The following KIF6 variants were observed in gnomAD, a reference collection of about 807,000 sequenced individuals.
KIF6 encodes kinesin-like protein KIF6.
Under a neutral mutation model 112.7 loss-of-function variants are expected in KIF6, and 106 were observed. That is an observed-to-expected ratio of 0.94 (90% CI 0.80 to 1.11). The LOEUF is 1.11. Ranked by LOEUF, KIF6 falls within the 50% of genes least tolerant of loss-of-function variation. The pLI, the probability that KIF6 is intolerant of heterozygous loss-of-function variation, is 0.00. For synonymous variants in KIF6, 339 were observed against 339.9 expected (o/e 1.00, Z 0.03); for missense variants, 929 against 964.0 (o/e 0.96, Z 0.48).
At chr6:39,710,099 T>C (rs916285335) in intron 3 of KIF6, among the ~76,000 whole-genome samples, 2 of 152,116 alleles carry the variant, frequency 1.3e-5, no homozygotes, top group South Asian at 2.1e-4. Flanking sequence ...TTAACAACAC[T>C]CTCCTACAGA....
rs751271999 is a variant in KIF6, at chr6:39,431,153, C to T, written c.1654G>A (p.Glu552Lys). The part of the protein sequence containing the change: ...SLLHKKIGMR[E>K]EMSLGCQEAF... ...TCCTGGCATCCTAATGACATTTCCTCTCTCATTCCTGTTTGGAGACACAGG... is the reference window on the plus strand; with the variant it reads ...TCCTGGCATCCTAATGACATTTCCTTTCTCATTCCTGTTTGGAGACACAGG... The change falls in exon 14 of 23, where the codon GAG (glutamate) becomes AAG (lysine). Residue 552 changes from glutamate (E) to lysine (K), a missense_variant. Glu to Lys is a moderately conservative substitution (Grantham distance 56, BLOSUM62 1). Around this residue, in one of 2 missense-constraint regions of KIF6, gnomAD observed 688 missense variants for 662.7 expected, o/e 1.04. Transcript: ENST00000287152. 2.1e-5 allele frequency: 34 copies of T among 1,596,286 alleles called. No homozygotes were observed. Among genetic ancestry groups the T allele is most frequent in the Non-Finnish European group, 2.6e-5 (30 of 1,164,042 alleles).
chr6:39,461,496 T>A (rs1026403145), intron 13 of KIF6, among the ~76,000 whole-genome samples: 1 of 152,154 alleles, frequency 6.6e-6, no homozygotes, highest in Non-Finnish European at 1.5e-5. Flanking sequence ...ATTAATAGCT[T>A]TAGTTTTAAT....
intron 12 of KIF6, among the ~76,000 whole-genome samples, chr6:39,542,497 T>G (rs1428238099): frequency 6.6e-6 from 1 of 152,212 alleles, no homozygotes; most frequent in Non-Finnish European, 1.5e-5. Context: ...TATAATCACT[T>G]TTTTTATTTC....
intron 10 of KIF6, among the ~76,000 whole-genome samples, chr6:39,560,565 C>T (rs974992296): frequency 3.9e-5 from 6 of 152,176 alleles, no homozygotes; most frequent in East Asian, 1.9e-4. Flanking sequence ...TCTTGATTCA[C>T]GAGTCTGCAC....
rs59638695 is a variant in KIF6 at position 39,673,087 on chromosome 6, C to T, written c.252-33330G>A. On this transcript the variant is annotated intron_variant, in intron 3 of 22. Coordinates refer to ENST00000287152, the MANE Select transcript of KIF6 (RefSeq NM_145027.6). ...CCTGTTGCTATCACTGGCTGTCAGC[C>T]GCTGCTGCCTCAAAAGCCAAATGCT... 4.6e-3 allele frequency among the ~76,000 whole-genome samples: 694 copies of T among 152,258 alleles called. 6 individuals carry two copies. The highest frequency in any genetic ancestry group is 0.016 in the African/African-American group (648 of 41,552).
chr6:39,563,687 A>T (rs1299322736), intron 10 of KIF6, among the ~76,000 whole-genome samples: 1 of 152,150 alleles, frequency 6.6e-6, no homozygotes, highest in Non-Finnish European at 1.5e-5. Flanking sequence ...ACTCAGTGAA[A>T]GAGTTTGTAT....
intron 16 of KIF6, among the ~76,000 whole-genome samples, chr6:39,375,016 G>A (rs1766318782): frequency 6.6e-6 from 1 of 152,186 alleles, no homozygotes; most frequent in African/African-American, 2.4e-5. Context: ...ATACACAATG[G>A]AATACTATTA....
chr6:39,551,111 T>C (rs1371580918), intron 10 of KIF6, among the ~76,000 whole-genome samples: 1 of 152,198 alleles, frequency 6.6e-6, no homozygotes, highest in Admixed American at 6.5e-5. Flanking sequence ...ATATACCCAG[T>C]AGTCGGATTG....
At chr6:39,639,358 C>T (rs767391791) in intron 4 of KIF6, among the ~76,000 whole-genome samples, 4 of 152,044 alleles carry the variant, frequency 2.6e-5, no homozygotes, top group East Asian at 1.9e-4. Context: ...TTTCAACCTT[C>T]GTGCGTATAT....
chr6:39,599,974 T>A (rs1232264354), intron 6 of KIF6, among the ~76,000 whole-genome samples: 1 of 152,224 alleles, frequency 6.6e-6, no homozygotes, highest in African/African-American at 2.4e-5. Flanking sequence ...TAACTTCTCA[T>A]AAATATTTTC....
intron 16 of KIF6, among the ~76,000 whole-genome samples, chr6:39,384,714 T>C (rs1346150762): frequency 6.6e-6 from 1 of 152,214 alleles, no homozygotes; most frequent in Non-Finnish European, 1.5e-5. Context: ...ATTTCTCCGA[T>C]TACAGGTAAT....
intron 15 of KIF6, among the ~76,000 whole-genome samples, chr6:39,402,869 A>G (rs1768807804): frequency 6.6e-6 from 1 of 152,162 alleles, no homozygotes; most frequent in African/African-American, 2.4e-5. Flanking sequence ...CCTGAGACCA[A>G]GGCTTTCTGC....
intron 13 of KIF6, among the ~76,000 whole-genome samples, chr6:39,446,391 T>C (rs979436946): frequency 2.0e-5 from 3 of 152,192 alleles, no homozygotes; most frequent in Non-Finnish European, 4.4e-5. Flanking sequence ...TGACTTTAGC[T>C]CCAAGCTCAC....
chr6:39,400,539 G>C (rs1768621012), intron 15 of KIF6, among the ~76,000 whole-genome samples: 1 of 152,216 alleles, frequency 6.6e-6, no homozygotes, highest in Non-Finnish European at 1.5e-5. Flanking sequence ...GGCCAGAGAG[G>C]TGGCCAAGGA....
intron 15 of KIF6, among the ~76,000 whole-genome samples, chr6:39,399,662 T>C (rs565572195): frequency 1.5e-3 from 223 of 152,304 alleles, no homozygotes; most frequent in African/African-American, 5.1e-3. Context: ...AAATAGGCTG[T>C]TGGGCCCTGT....
intron 9 of KIF6, among the ~76,000 whole-genome samples, chr6:39,584,289 C>T (rs1472182730): frequency 1.2e-4 from 18 of 150,790 alleles, no homozygotes; most frequent in East Asian, 3.9e-4. Context: ...CTGGTTGTGG[C>T]GGCGTGTGTC....
chr6:39,367,927 G>A (rs192579346), intron 16 of KIF6, among the ~76,000 whole-genome samples: 283 of 152,266 alleles, frequency 1.9e-3, no homozygotes, highest in Middle Eastern at 3.4e-3. Context: ...CAGACCTACT[G>A]AGTTAAAATT....
intron 10 of KIF6, among the ~76,000 whole-genome samples, chr6:39,562,629 C>G (rs1158933840): frequency 6.6e-6 from 1 of 152,206 alleles, no homozygotes; most frequent in Non-Finnish European, 1.5e-5. Context: ...ACAGACCAAA[C>G]AGGATTCAAA....
intron 9 of KIF6, chr6:39,583,462 AGAGGAGCTTGGTGCT>A: frequency 2.1e-6 from 1 of 471,686 alleles, no homozygotes; most frequent in South Asian, 1.5e-5. Flanking sequence ...GAACTCCATC[AGAGGAGCTTGGTGCT>A]TTCTGAGGCA....
Sources: gnomAD v4.1 joint callset for allele counts (sites outside exome capture counted in the v4.1 genomes callset) on GRCh38, gnomAD v4.1.1 for gene constraint, gnomAD v4.1.1 regional missense constraint, MANE v1.5 for transcripts, NCBI Gene and HGNC (gene_info 2026-07-23, HGNC 2026-07-21) for gene names.